The following KCNIP1 variants were observed in gnomAD, a reference collection of about 807,000 sequenced individuals.
KCNIP1 encodes the protein A-type potassium channel modulatory protein KCNIP1.
In KCNIP1, 18 loss-of-function variants were observed where a neutral mutation model predicts 33.0. The ratio of observed to expected loss-of-function variants is 0.55; its 90% CI spans 0.38 to 0.81. The LOEUF is 0.81. Among genes scored for constraint, KCNIP1 ranks in the 30% least tolerant of loss-of-function variants. The pLI, the probability that KCNIP1 is intolerant of heterozygous loss-of-function variation, is 0.00. For missense variants in KCNIP1, 238 were observed against 271.6 expected, an observed-to-expected ratio of 0.88 and a Z score of 0.87; for synonymous variants, 93 against 98.3, an observed-to-expected ratio of 0.95 and a Z score of 0.32.
chr5:170,729,786 A>T (rs1017579887), intron 5 of KCNIP1, among the ~76,000 whole-genome samples: 1 of 152,124 alleles, frequency 6.6e-6, no homozygotes, highest in African/African-American at 2.4e-5. Flanking sequence ...TTCTGATAAT[A>T]AACTTTCTAA....
intron 1 of KCNIP1, among the ~76,000 whole-genome samples, chr5:170,608,743 A>G (rs567023638): frequency 6.8e-6 from 1 of 147,450 alleles, no homozygotes; most frequent in African/African-American, 2.5e-5. Context: ...AGCCTGGGCG[A>G]CAGGGTGAAA....
intron 1 of KCNIP1, among the ~76,000 whole-genome samples, chr5:170,372,581 G>T (rs953003646): frequency 5.9e-5 from 9 of 151,924 alleles, no homozygotes; most frequent in Non-Finnish European, 1.2e-4. Flanking sequence ...TATCTCACTG[G>T]AAAAAAGACA....
chr5:170,721,414 G>A (rs1312596903), intron 3 of KCNIP1, among the ~76,000 whole-genome samples: 1 of 152,168 alleles, frequency 6.6e-6, no homozygotes, highest in African/African-American at 2.4e-5. Flanking sequence ...GGGAAGCTCA[G>A]AGAGGTCGTG....
chr5:170,596,455 T>C (rs1466931490), intron 1 of KCNIP1, among the ~76,000 whole-genome samples: 2 of 152,240 alleles, frequency 1.3e-5, no homozygotes, highest in Non-Finnish European at 2.9e-5. Context: ...GGATGTGTTC[T>C]GGAGATCTGC....
chr5:170,552,735 A>G (rs1296606026), intron 1 of KCNIP1, among the ~76,000 whole-genome samples: 1 of 152,220 alleles, frequency 6.6e-6, no homozygotes, highest in Non-Finnish European at 1.5e-5. Context: ...CCTGAGTGCA[A>G]CTGGAGGCCA....
chr5:170,664,802 G>T (rs979470426), intron 1 of KCNIP1, among the ~76,000 whole-genome samples: 4 of 152,078 alleles, frequency 2.6e-5, no homozygotes, highest in Non-Finnish European at 5.9e-5. Flanking sequence ...TAAAGCAGGG[G>T]CCAGAGAGCA....
chr5:170,624,378 T>C (rs1264691562), intron 1 of KCNIP1, among the ~76,000 whole-genome samples: 1 of 151,958 alleles, frequency 6.6e-6, no homozygotes, highest in East Asian at 1.9e-4. Context: ...AACAACTAAG[T>C]GAAGCAGAAG....
intron 5 of KCNIP1, among the ~76,000 whole-genome samples, chr5:170,730,839 T>TA (rs34072627): frequency 3.0e-3 from 436 of 146,042 alleles, no homozygotes; most frequent in Middle Eastern, 3.6e-3. Flanking sequence ...TAAAAGTGCT[T>TA]AAAAAAAAAA....
intron 1 of KCNIP1, among the ~76,000 whole-genome samples, chr5:170,660,248 A>G (rs1474588511): frequency 6.6e-6 from 1 of 152,190 alleles, no homozygotes; most frequent in Non-Finnish European, 1.5e-5. Flanking sequence ...CCTAAATTCA[A>G]TCATGTTTCT....
chr5:170,411,860 T>G lies in KCNIP1; in HGVS notation c.88+57896T>G, dbSNP rs1755199134. Among the ~76,000 whole-genome samples, 2 of 151,732 alleles carry G rather than the reference T, an allele frequency of 1.3e-5. 1 individual carries two copies. Among genetic ancestry groups the G allele is most frequent in the Admixed American group, 1.3e-4 (2 of 15,228 alleles). On this transcript the variant is annotated intron_variant, in intron 1 of 7. Transcript: ENST00000377360. Reference sequence around the variant, plus strand: ...AAATAAAAGTCAGTGAGTAGGTGAGTGGAGGTCAGAAGAGGGGGCAGTCTG... The same window carrying G: ...AAATAAAAGTCAGTGAGTAGGTGAGGGGAGGTCAGAAGAGGGGGCAGTCTG...
In KCNIP1 at chr5:170,673,220, C is replaced by A. The variant is rs546880212; in HGVS notation, c.62-45538C>A. On this transcript the variant is annotated intron_variant, in intron 1 of 7. Transcript: ENST00000328939. The stretch of plus-strand genomic sequence containing the variant: ...GTGAGATGGGGCTAGGAGTCCTCCC[C>A]TCTTGGGTAACAGACTTGACACAGT... Among the ~76,000 whole-genome samples, 5 of 152,372 alleles carry A rather than the reference C, an allele frequency of 3.3e-5. No homozygotes were observed. In the South Asian group the frequency reaches 8.3e-4, roughly 25 times the overall value.
intron 1 of KCNIP1, among the ~76,000 whole-genome samples, chr5:170,717,656 T>C (rs1348842839): frequency 6.6e-6 from 1 of 152,190 alleles, no homozygotes; most frequent in Non-Finnish European, 1.5e-5. Flanking sequence ...TCTGGTGCAA[T>C]GAGACCAACA....
chr5:170,404,178 T>C (rs1324948728), intron 1 of KCNIP1, among the ~76,000 whole-genome samples: 6 of 152,218 alleles, frequency 3.9e-5, no homozygotes, highest in African/African-American at 1.4e-4. Context: ...CAGGTTTTAG[T>C]TTTTAAAATG....
chr5:170,674,473 G>A (rs992771888), intron 1 of KCNIP1, among the ~76,000 whole-genome samples: 2 of 152,152 alleles, frequency 1.3e-5, no homozygotes, highest in Non-Finnish European at 2.9e-5. Flanking sequence ...TAATGAATGT[G>A]CTCATTATTC....
chr5:170,721,751 G>C, intron 3 of KCNIP1, 82 bp from the exon 4 acceptor site: 3 of 1,614,004 alleles, frequency 1.9e-6, no homozygotes, highest in South Asian at 2.2e-5. Flanking sequence ...TCTCTTTCTT[G>C]TCGAAGCCCT....
In KCNIP1 at chr5:170,504,365, G is replaced by C. The variant is rs533153548; in HGVS notation, c.-208G>C. ...TCCGAAGGCTCGCGGGGAGCGGCTA[G>C]CCCTGAGTCCCTGCATGTGCGGGGC... On this transcript the variant is annotated 5_prime_UTR_variant, in exon 1 of 8. Transcript: ENST00000328939. The surrounding 1 kb of genome is among the most constrained non-coding windows in gnomAD (Gnocchi z 6.0). 1 of 1,421,282 alleles carries C rather than the reference G, an allele frequency of 7.0e-7. No individual in the cohort carries two copies. Among genetic ancestry groups the C allele is most frequent in the African/African-American group, 1.5e-5 (1 of 68,814 alleles). The allele number at this position is 1,421,282 out of a possible 1,614,324, so 88.0% of individuals were successfully genotyped here. A position where few individuals can be genotyped will look rare whatever the true frequency, so the allele number is the denominator to read the frequency against.
intron 1 of KCNIP1, among the ~76,000 whole-genome samples, chr5:170,456,233 C>T (rs1003225044): frequency 2.0e-5 from 3 of 152,136 alleles, no homozygotes; most frequent in African/African-American, 7.2e-5. Flanking sequence ...ACCACATATT[C>T]TCACTCATAA....
At chr5:170,686,962 C>A (rs1051290518) in intron 1 of KCNIP1, among the ~76,000 whole-genome samples, 7 of 151,982 alleles carry the variant, frequency 4.6e-5, no homozygotes, top group Non-Finnish European at 1.0e-4. Flanking sequence ...CAGCCCCAAA[C>A]CTCTCTCCTG....
At chr5:170,444,805 A>T (rs1304319353) in intron 1 of KCNIP1, among the ~76,000 whole-genome samples, 1 of 152,072 alleles carries the variant, frequency 6.6e-6, no homozygotes, top group Non-Finnish European at 1.5e-5. Flanking sequence ...TTATCTGGAC[A>T]GAATGGCATT....
Sources: allele counts gnomAD v4.1 joint callset (sites outside exome capture counted in the v4.1 genomes callset), GRCh38; gene constraint gnomAD v4.1.1; non-coding constraint Gnocchi (gnomAD v3.1); transcripts MANE v1.5; gene names NCBI Gene and HGNC (gene_info 2026-07-23, HGNC 2026-07-21).